Variants in EHHADH observed in about 807,000 individuals in gnomAD.
The protein encoded by EHHADH is enoyl-CoA hydratase and 3-hydroxyacyl CoA dehydrogenase.
A neutral mutation model predicts 64.4 loss-of-function variants in EHHADH; 48 were observed. The observed-to-expected ratio is 0.75, with a 90% CI of 0.59 to 0.95. The LOEUF is 0.95. Among genes scored for constraint, EHHADH ranks in the 40% least tolerant of loss-of-function variants. EHHADH has a pLI of 0.00. For synonymous variants in EHHADH, 308 were observed against 326.7 expected (o/e 0.94, Z 0.62); for missense variants, 854 against 876.6 (o/e 0.97, Z 0.33).
chr3:185,204,392 C>T, intron 6 of EHHADH, 24 bp downstream of exon 6: 1 of 1,565,268 alleles, frequency 6.4e-7, no homozygotes, highest in Non-Finnish European at 8.7e-7. Context: ...TTGGAGGATT[C>T]CATTCATTAC....
rs1298599611 is a variant in EHHADH at position 185,238,022 on chromosome 3, T to G, written c.179-2560A>C. Among the ~76,000 whole-genome samples the G allele has an allele frequency of 2.0e-5, 3 of 152,312 alleles. No individual in the cohort carries two copies. The East Asian group carries it at 5.8e-4, about 29-fold the overall frequency. On this transcript the variant is annotated intron_variant, in intron 2 of 6. Transcript: ENST00000231887. ...ATTATTCCTTCATAATAGCTCCCAC[T>G]TATAAGTGAGAATATGCGGTATTTG...
chr3:185,191,351 T>C lies in EHHADH; in HGVS notation c.*875A>G, dbSNP rs1357121476. The C allele has an allele frequency of 6.6e-6, 1 of 152,242 alleles. No homozygotes were observed. Among genetic ancestry groups the C allele is most frequent in the African/African-American group, 2.4e-5 (1 of 41,468 alleles). 9.4% of individuals were successfully genotyped at this position (152,242 alleles called of 1,614,324 possible). On this transcript the variant is annotated 3_prime_UTR_variant, in exon 7 of 7. Transcript: ENST00000231887. ...CATTAGTTCATAGACATTTGGGTTG[T>C]ATTCAGCTTTTGGCCATTATGAATA...
At chr3:185,244,368 T>G (rs554505679) in intron 2 of EHHADH, among the ~76,000 whole-genome samples, 13 of 152,242 alleles carry the variant, frequency 8.5e-5, no homozygotes, top group Non-Finnish European at 1.8e-4. Context: ...TGAGGGTTTG[T>G]TTCCGTCATA....
In EHHADH at chr3:185,193,327, AG is replaced by A; in HGVS notation, c.1070del (p.Pro357LeufsTer9). The A allele has an allele frequency of 6.2e-7, 1 of 1,613,678 alleles. No homozygotes were observed. Among genetic ancestry groups the A allele is most frequent in the Non-Finnish European group, 8.5e-7 (1 of 1,179,804 alleles). ...TTAACCTGGGTTTTGGTCCTGACCA[AG>A]GGTGGCCGCTCTGTTGCATTTTGGA... ...EASKMQQSGH[P>X]WSGPKPRLTS... On this transcript the variant is annotated frameshift_variant, in exon 7 of 7. Coordinates refer to ENST00000231887, the MANE Select transcript of EHHADH (RefSeq NM_001966.4). LOFTEE classifies it high-confidence loss of function.
intron 5 of EHHADH, among the ~76,000 whole-genome samples, chr3:185,211,271 T>C (rs1417348809): frequency 2.6e-5 from 4 of 152,206 alleles, no homozygotes; most frequent in Non-Finnish European, 4.4e-5. Flanking sequence ...AGCATCAGCA[T>C]TGGCTGCCCA....
intron 5 of EHHADH, among the ~76,000 whole-genome samples, chr3:185,209,010 C>A (rs969730876): frequency 4.6e-5 from 7 of 152,088 alleles, no homozygotes; most frequent in Non-Finnish European, 7.4e-5. Flanking sequence ...TCAGTGGTTG[C>A]CTAGGGCTGG....
chr3:185,197,825 C>G (rs1339064361), intron 6 of EHHADH, among the ~76,000 whole-genome samples: 1 of 152,136 alleles, frequency 6.6e-6, no homozygotes, highest in Non-Finnish European at 1.5e-5. Context: ...GAGATGGAGT[C>G]TCTCTCTGTC....
At chr3:185,201,667 T>C (rs958005598) in intron 6 of EHHADH, among the ~76,000 whole-genome samples, 1 of 152,240 alleles carries the variant, frequency 6.6e-6, no homozygotes, top group East Asian at 1.9e-4. Context: ...ATCCTCTTAC[T>C]TGATTTCTAT....
intron 5 of EHHADH, among the ~76,000 whole-genome samples, chr3:185,209,543 A>C (rs1718483781): frequency 6.6e-6 from 1 of 152,260 alleles, no homozygotes; most frequent in South Asian, 2.1e-4. Flanking sequence ...ACCAGGGCTT[A>C]TACCAGAGCA....
At chr3:185,220,797 A>G (rs1718811942) in intron 4 of EHHADH, among the ~76,000 whole-genome samples, 1 of 152,176 alleles carries the variant, frequency 6.6e-6, no homozygotes, top group Admixed American at 6.5e-5. Flanking sequence ...TTCTTCTCCA[A>G]CCTGAGTAAT....
At chr3:185,209,573 T>A (rs1421713177) in intron 5 of EHHADH, among the ~76,000 whole-genome samples, 1 of 152,184 alleles carries the variant, frequency 6.6e-6, no homozygotes, top group Non-Finnish European at 1.5e-5. Flanking sequence ...TAAAAAGACA[T>A]ATGAACATAA....
At position 185,204,483 on chromosome 3, in the gene EHHADH, C is replaced by T. The variant is rs1718326621; in HGVS notation, c.843G>A (p.Trp281Ter). Reference protein sequence around the residue: ...AFFAERKANKWSTPSGASWKT... With the variant: ...AFFAERKANK ...TCCACGATGCTCCGGAGGGAGTTGA[C>T]CACTTATTTGCTTTCCTTTCAGCGA... Residue 281 changes from tryptophan to a stop codon, truncating the protein, a stop_gained, in exon 6 of 7, where the codon TGG becomes TGA. Transcript: ENST00000231887. LOFTEE classifies it high-confidence loss of function. The T allele has an allele frequency of 6.2e-7, 1 of 1,614,088 alleles. No homozygotes were observed. The highest frequency in any genetic ancestry group is 8.5e-7 in the Non-Finnish European group (1 of 1,180,008).
chr3:185,223,984 G>A (rs970760168), intron 4 of EHHADH, among the ~76,000 whole-genome samples: 5 of 152,188 alleles, frequency 3.3e-5, no homozygotes, highest in Admixed American at 6.5e-5. Flanking sequence ...TAAGGAAATT[G>A]TGGAGAAGGT....
chr3:185,210,163 T>C (rs940088275), intron 5 of EHHADH, among the ~76,000 whole-genome samples: 3 of 152,158 alleles, frequency 2.0e-5, no homozygotes, highest in African/African-American at 7.2e-5. Context: ...AGCGCTGGGA[T>C]ATCTTAGAGT....
At chr3:185,212,032 C>T (rs1718552870) in intron 5 of EHHADH, among the ~76,000 whole-genome samples, 1 of 152,100 alleles carries the variant, frequency 6.6e-6, no homozygotes, top group Non-Finnish European at 1.5e-5. Flanking sequence ...TTCCCTGTGC[C>T]CATTCCAGCT....
intron 6 of EHHADH, among the ~76,000 whole-genome samples, chr3:185,203,558 C>T (rs1020595943): frequency 6.6e-6 from 1 of 151,950 alleles, no homozygotes; most frequent in Non-Finnish European, 1.5e-5. Flanking sequence ...AGGAAAGTGG[C>T]CCAGAGAAGC....
intron 3 of EHHADH, among the ~76,000 whole-genome samples, chr3:185,230,083 A>G (rs1035004155): frequency 2.6e-5 from 4 of 152,242 alleles, no homozygotes; most frequent in Non-Finnish European, 5.9e-5. Context: ...GCTCAACATC[A>G]TTAGCCATCA....
chr3:185,242,121 G>T (rs1026274214), intron 2 of EHHADH, among the ~76,000 whole-genome samples: 1 of 152,114 alleles, frequency 6.6e-6, no homozygotes, highest in African/African-American at 2.4e-5. Flanking sequence ...GGAAGCAAAA[G>T]ATCTCTACAA....
At chr3:185,247,261 A>T (rs914305199) in intron 2 of EHHADH, among the ~76,000 whole-genome samples, 3 of 152,038 alleles carry the variant, frequency 2.0e-5, no homozygotes, top group African/African-American at 4.8e-5. Flanking sequence ...TAGAAGAATA[A>T]TTTTTTCTGC....
Sources: gnomAD v4.1 joint callset for allele counts (sites outside exome capture counted in the v4.1 genomes callset) on GRCh38, gnomAD v4.1.1 for gene constraint, MANE v1.5 for transcripts, NCBI Gene and HGNC (gene_info 2026-07-23, HGNC 2026-07-21) for gene names.